The following PITPNC1 variants were observed in gnomAD, a reference collection of about 807,000 sequenced individuals.
PITPNC1 encodes the protein cytoplasmic phosphatidylinositol transfer protein 1.
In PITPNC1, 18 loss-of-function variants were observed where a neutral mutation model predicts 44.7. The observed-to-expected ratio is 0.40, with a 90% CI of 0.28 to 0.60. The LOEUF (loss-of-function observed/expected upper bound fraction) is 0.60, where lower values mean the gene tolerates loss of function less well. Among genes scored for constraint, PITPNC1 ranks in the 20% least tolerant of loss-of-function variants. PITPNC1 has a pLI of 0.39. For missense variants in PITPNC1, 290 were observed against 418.4 expected, an observed-to-expected ratio of 0.69 and a Z score of 2.68; for synonymous variants, 141 against 149.6, an observed-to-expected ratio of 0.94 and a Z score of 0.42.
intron 1 of PITPNC1, among the ~76,000 whole-genome samples, chr17:67,443,568 C>T (rs2039047895): frequency 6.7e-6 from 1 of 149,742 alleles, no homozygotes; most frequent in Admixed American, 6.7e-5. Flanking sequence ...AAGGCAGGAA[C>T]AGCAACCATA....
At chr17:67,513,485 G>GTA (rs1192843030) in intron 1 of PITPNC1, among the ~76,000 whole-genome samples, 1 of 134,880 alleles carries the variant, frequency 7.4e-6, no homozygotes, top group African/African-American at 3.2e-5. Flanking sequence ...ATATGTGTGT[G>GTA]TGTGTATATA....
chr17:67,495,052 G>GTT (rs1243868487), intron 1 of PITPNC1, among the ~76,000 whole-genome samples: 513 of 38,524 alleles, frequency 0.013, 6 homozygotes, highest in Middle Eastern at 0.033. Flanking sequence ...TTTTTTTTTT[G>GTT]TTTTTTTTTT....
chr17:67,564,388 G>A (rs898696982), intron 4 of PITPNC1, among the ~76,000 whole-genome samples: 1 of 152,114 alleles, frequency 6.6e-6, no homozygotes, highest in African/African-American at 2.4e-5. Context: ...GCCTGGAGTC[G>A]TTATCCAAGG....
chr17:67,401,580 T>G (rs1332097457), intron 1 of PITPNC1, among the ~76,000 whole-genome samples: 1 of 152,124 alleles, frequency 6.6e-6, no homozygotes, highest in Admixed American at 6.5e-5. Context: ...GTGCGGTGGC[T>G]CATGCCTGTA....
At chr17:67,513,995 G>C (rs2040225513) in intron 1 of PITPNC1, among the ~76,000 whole-genome samples, 1 of 151,188 alleles carries the variant, frequency 6.6e-6, no homozygotes, top group South Asian at 2.1e-4. Context: ...TCCATGATCA[G>C]GGAAAGCAAA....
chr17:67,509,982 G>A (rs971148239), intron 1 of PITPNC1, among the ~76,000 whole-genome samples: 11 of 152,172 alleles, frequency 7.2e-5, no homozygotes, highest in Non-Finnish European at 1.3e-4. Flanking sequence ...ACTTCAATGA[G>A]TCTTAAGTAC....
rs546986964 is a variant in PITPNC1, at chr17:67,508,140, T to C, written c.49-24662T>C. On this transcript the variant is annotated intron_variant, in intron 1 of 8. Coordinates refer to ENST00000581322, the MANE Select transcript of PITPNC1 (RefSeq NM_012417.4). This position sits in a 1 kb window ranked among gnomAD's most constrained non-coding sequence, Gnocchi z 4.2. ...AGAAAATTGAATGTCCTCATGAAAT[T>C]TGCAAAGCTGTTACCAGAAAGGGGC... Among the ~76,000 whole-genome samples the C allele has an allele frequency of 6.6e-6, 1 of 152,298 alleles. No individual in the cohort carries two copies. The highest frequency in any genetic ancestry group is 2.1e-4 in the South Asian group (1 of 4,826).
intron 5 of PITPNC1, among the ~76,000 whole-genome samples, chr17:67,627,848 C>T (rs2041914210): frequency 6.6e-6 from 1 of 151,984 alleles, no homozygotes; most frequent in South Asian, 2.1e-4. Flanking sequence ...TTAATATGGG[C>T]ATAATGTTCT....
intron 5 of PITPNC1, among the ~76,000 whole-genome samples, chr17:67,580,805 C>G (rs1263490515): frequency 6.6e-6 from 1 of 152,168 alleles, no homozygotes; most frequent in Admixed American, 6.5e-5. Flanking sequence ...TCCCAGCACT[C>G]TGGTAGGCTG....
chr17:67,523,360 G>A (rs772098348), intron 1 of PITPNC1, among the ~76,000 whole-genome samples: 4 of 152,160 alleles, frequency 2.6e-5, no homozygotes, highest in Non-Finnish European at 4.4e-5. Context: ...TCTGGAACCC[G>A]CAGCATAACA....
intron 6 of PITPNC1, chr17:67,632,439 C>A: frequency 1.7e-6 from 1 of 580,810 alleles, no homozygotes; most frequent in Non-Finnish European, 3.1e-6. Flanking sequence ...CTGGCTGTTA[C>A]TCAATCTCCA....
intron 1 of PITPNC1, among the ~76,000 whole-genome samples, chr17:67,394,068 G>A (rs1297281154): frequency 6.6e-6 from 1 of 152,080 alleles, no homozygotes; most frequent in Non-Finnish European, 1.5e-5. Context: ...TCAAACTCCT[G>A]ACCTCATGAT....
intron 1 of PITPNC1, among the ~76,000 whole-genome samples, chr17:67,392,097 TGTTA>T (rs1418737393): frequency 6.6e-6 from 1 of 152,200 alleles, no homozygotes; most frequent in Non-Finnish European, 1.5e-5. Flanking sequence ...TCAGCAGAGA[TGTTA>T]GTTCATGAGC....
intron 5 of PITPNC1, among the ~76,000 whole-genome samples, chr17:67,589,668 A>G (rs2041365271): frequency 6.6e-6 from 1 of 151,662 alleles, no homozygotes. Flanking sequence ...TATTGGGTAC[A>G]GGATATATCA....
chr17:67,585,612 G>A lies in PITPNC1; in HGVS notation c.366+7355G>A, dbSNP rs114717658. On this transcript the variant is annotated intron_variant, in intron 5 of 8. Transcript: ENST00000581322. ...AAGCTCAAGAGTTCAAGACCAGCCT[G>A]AGCAACGTGGCAAAACCCCATCTGT... Among the ~76,000 whole-genome samples, 310 of 152,186 alleles carry A rather than the reference G, an allele frequency of 2.0e-3. 3 individuals are homozygous for A. The highest frequency in any genetic ancestry group is 6.9e-3 in the African/African-American group (287 of 41,518).
intron 1 of PITPNC1, among the ~76,000 whole-genome samples, chr17:67,398,200 A>C (rs1185132110): frequency 6.6e-6 from 1 of 152,286 alleles, no homozygotes; most frequent in African/African-American, 2.4e-5. Context: ...ATGAATTTTA[A>C]ATCATTGTAA....
At chr17:67,663,414 C>T (rs1307391669) in intron 6 of PITPNC1, among the ~76,000 whole-genome samples, 3 of 151,868 alleles carry the variant, frequency 2.0e-5, no homozygotes, top group Admixed American at 6.6e-5. Context: ...CCTAAAGATA[C>T]AAAAAATTAG....
intron 1 of PITPNC1, among the ~76,000 whole-genome samples, chr17:67,438,016 G>A (rs1194546593): frequency 6.6e-6 from 1 of 151,560 alleles, no homozygotes; most frequent in Non-Finnish European, 1.5e-5. Flanking sequence ...TGCAGTGAGC[G>A]GAGATCTCGA....
chr17:67,606,553 C>T (rs79396827), intron 5 of PITPNC1, among the ~76,000 whole-genome samples: 100 of 152,320 alleles, frequency 6.6e-4, no homozygotes, highest in African/African-American at 2.3e-3. Flanking sequence ...GATGACGAGG[C>T]GTAAAGTGAG....
Sources: gnomAD v4.1 joint callset for allele counts (sites outside exome capture counted in the v4.1 genomes callset) on GRCh38, gnomAD v4.1.1 for gene constraint, Gnocchi (gnomAD v3.1) non-coding constraint, MANE v1.5 for transcripts, NCBI Gene and HGNC (gene_info 2026-07-23, HGNC 2026-07-21) for gene names.